The following TRAF3 variants were observed in gnomAD, a reference collection of about 807,000 sequenced individuals.
The protein encoded by TRAF3 is TNF receptor-associated factor 3.
A neutral mutation model predicts 62.3 loss-of-function variants in TRAF3; 13 were observed. That is an observed-to-expected ratio of 0.21 (90% CI 0.14 to 0.33). TRAF3 has a LOEUF of 0.33. Ranked by LOEUF, TRAF3 falls within the 10% of genes least tolerant of loss-of-function variation. The pLI, the probability that TRAF3 is intolerant of heterozygous loss-of-function variation, is 1.00. For synonymous variants in TRAF3, 269 were observed against 283.4 expected, an observed-to-expected ratio of 0.95 and a Z score of 0.51; for missense variants, 440 against 741.8, an observed-to-expected ratio of 0.59 and a Z score of 4.73.
chr14:102,804,454 A>C (rs1444470547), intron 1 of TRAF3, among the ~76,000 whole-genome samples: 1 of 152,102 alleles, frequency 6.6e-6, no homozygotes, highest in Non-Finnish European at 1.5e-5. Flanking sequence ...GTACCCTTTC[A>C]GAGGGCCAAG....
At chr14:102,853,770 G>A (rs944474250) in intron 2 of TRAF3, among the ~76,000 whole-genome samples, 2 of 151,844 alleles carry the variant, frequency 1.3e-5, no homozygotes, top group Non-Finnish European at 2.9e-5. Context: ...CCCGGGAGGC[G>A]GAGGTTGCAG....
chr14:102,851,612 C>T (rs1319238349), intron 2 of TRAF3, among the ~76,000 whole-genome samples: 4 of 152,188 alleles, frequency 2.6e-5, no homozygotes, highest in African/African-American at 9.7e-5. Flanking sequence ...GGCCTGGTGG[C>T]GGGCACCTGT....
At chr14:102,875,527 T>TG (rs1491323393) in intron 4 of TRAF3, 97 bp from the exon 5 acceptor site, 1 of 859,148 alleles carries the variant, frequency 1.2e-6, no homozygotes, top group Non-Finnish European at 1.7e-6. Flanking sequence ...GTTCCTCTCT[T>TG]GTTTTTTTTT....
intron 2 of TRAF3, among the ~76,000 whole-genome samples, chr14:102,863,766 T>G (rs1416507349): frequency 6.6e-6 from 1 of 152,228 alleles, no homozygotes; most frequent in Non-Finnish European, 1.5e-5. Context: ...AGCAAATATG[T>G]TTGTCTGTAA....
At chr14:102,819,745 A>G (rs1261081711) in intron 1 of TRAF3, among the ~76,000 whole-genome samples, 1 of 152,208 alleles carries the variant, frequency 6.6e-6, no homozygotes, top group Non-Finnish European at 1.5e-5. Flanking sequence ...CGTATAGTAT[A>G]GGACATCCTA....
In TRAF3 at chr14:102,908,540, T is replaced by C. The variant is rs1890704604; in HGVS notation, c.*2756T>C. The C allele has an allele frequency of 6.6e-6, 1 of 152,214 alleles. No individual in the cohort carries two copies. The highest frequency in any genetic ancestry group is 6.5e-5 in the Admixed American group (1 of 15,292). 9.4% of individuals were successfully genotyped at this position (152,214 alleles called of 1,614,324 possible). ...GGCCACCTGGGCCAGCCTGGGGCCA[T>C]GGTCTCTCTGCAGCTGAGGCCCAGT... On this transcript the variant is annotated 3_prime_UTR_variant, in exon 12 of 12. Transcript: ENST00000392745.
intron 8 of TRAF3, among the ~76,000 whole-genome samples, chr14:102,890,968 A>C (rs918697043): frequency 6.6e-6 from 1 of 152,224 alleles, no homozygotes; most frequent in Admixed American, 6.5e-5. Context: ...TAATGGGAAA[A>C]ATAGCTTATA....
At chr14:102,894,243 C>T (rs1278284807) in intron 9 of TRAF3, among the ~76,000 whole-genome samples, 4 of 152,084 alleles carry the variant, frequency 2.6e-5, no homozygotes, top group East Asian at 1.9e-4. Context: ...AAGAGAATGG[C>T]GTGAACCCGG....
intron 10 of TRAF3, among the ~76,000 whole-genome samples, chr14:102,898,383 A>T (rs1890107908): frequency 6.6e-6 from 1 of 152,254 alleles, no homozygotes; most frequent in Non-Finnish European, 1.5e-5. Context: ...AATGTTTCTT[A>T]AAACACCAAG....
intron 7 of TRAF3, among the ~76,000 whole-genome samples, chr14:102,886,745 A>C (rs1384821154): frequency 2.0e-5 from 3 of 152,174 alleles, no homozygotes; most frequent in Non-Finnish European, 4.4e-5. Flanking sequence ...AACAAGAGTT[A>C]AACTCCGTCT....
chr14:102,808,281 G>C (rs902800263), intron 1 of TRAF3, among the ~76,000 whole-genome samples: 2 of 152,198 alleles, frequency 1.3e-5, no homozygotes, highest in Non-Finnish European at 2.9e-5. Context: ...GGGAGGCTGA[G>C]ACAGGCGAAT....
intron 1 of TRAF3, among the ~76,000 whole-genome samples, chr14:102,828,360 T>TG (rs1396131124): frequency 9.9e-5 from 15 of 152,240 alleles, no homozygotes; most frequent in Non-Finnish European, 1.5e-4. Context: ...TGCTGACTGT[T>TG]GCCTGCAGTC....
chr14:102,809,836 A>G (rs1595308880), intron 1 of TRAF3, among the ~76,000 whole-genome samples: 1 of 152,154 alleles, frequency 6.6e-6, no homozygotes, highest in East Asian at 1.9e-4. Context: ...GGCCCACAGC[A>G]TAGACTTTTA....
At chr14:102,808,574 G>A (rs1241547895) in intron 1 of TRAF3, among the ~76,000 whole-genome samples, 1 of 151,894 alleles carries the variant, frequency 6.6e-6, no homozygotes, top group Non-Finnish European at 1.5e-5. Context: ...TTCCAAGGCA[G>A]CCTCCAAGGG....
rs201513255 is a variant in TRAF3 at position 102,854,670 on chromosome 14, G to GT, written c.-17-15514dup. ...GCACCACCACACCCAGCTATTTTTT[G>GT]TATTTTTTTGTAGAGATGGGGTTTT... is the stretch of plus-strand genomic sequence containing the variant. On this transcript the variant is annotated intron_variant, in intron 2 of 11. Coordinates refer to ENST00000392745, the MANE Select transcript of TRAF3 (RefSeq NM_145725.3). Among the ~76,000 whole-genome samples the GT allele has an allele frequency of 5.9e-3, 894 of 152,072 alleles. 8 individuals carry two copies. Among genetic ancestry groups the GT allele is most frequent in the African/African-American group, 0.021 (863 of 41,476 alleles).
At chr14:102,892,536 C>G (rs538539604) in intron 9 of TRAF3, among the ~76,000 whole-genome samples, 25 of 152,372 alleles carry the variant, frequency 1.6e-4, no homozygotes, top group South Asian at 1.0e-3. Flanking sequence ...GTTATAGGAT[C>G]TACCATTGTG....
intron 2 of TRAF3, among the ~76,000 whole-genome samples, chr14:102,841,372 A>T (rs1886364899): frequency 6.6e-6 from 1 of 152,240 alleles, no homozygotes; most frequent in African/African-American, 2.4e-5. Context: ...GGAGAAGGCC[A>T]AGCACTTCTT....
intron 10 of TRAF3, among the ~76,000 whole-genome samples, chr14:102,901,343 A>G (rs1836118270): frequency 6.6e-6 from 1 of 152,090 alleles, no homozygotes; most frequent in East Asian, 1.9e-4. Context: ...CTCATGCTTC[A>G]TTTCGGGGTT....
intron 1 of TRAF3, among the ~76,000 whole-genome samples, chr14:102,803,063 G>C (rs1289758786): frequency 6.6e-6 from 1 of 152,064 alleles, no homozygotes; most frequent in African/African-American, 2.4e-5. Flanking sequence ...ACAGGATGGT[G>C]GAAACTGCCC....
Sources: gnomAD v4.1 joint callset for allele counts (sites outside exome capture counted in the v4.1 genomes callset) on GRCh38, gnomAD v4.1.1 for gene constraint, MANE v1.5 for transcripts, NCBI Gene and HGNC (gene_info 2026-07-23, HGNC 2026-07-21) for gene names.